ING5: variants seen among roughly 807,000 people sequenced by gnomAD.
The protein encoded by ING5 is inhibitor of growth protein 5.
ING5 carries 17 observed loss-of-function variants against 37.4 expected under a neutral mutation model. The ratio of observed to expected loss-of-function variants is 0.45; its 90% CI spans 0.31 to 0.68. The LOEUF (loss-of-function observed/expected upper bound fraction) is 0.68, where lower values mean the gene tolerates loss of function less well. Ranked by LOEUF, ING5 falls within the 30% of genes least tolerant of loss-of-function variation. The pLI is 0.05. For missense variants in ING5, 233 were observed against 311.9 expected (o/e 0.75, Z 1.91); for synonymous variants, 123 against 116.6 (o/e 1.06, Z -0.36).
chr2:241,690,465 G>C (rs1183528183), exon 2 of ING5: 1 of 394,780 alleles, frequency 2.5e-6, no homozygotes, highest in Non-Finnish European at 4.5e-6. Flanking sequence ...GTTCCTGCGT[G>C]ATCAAAGGAT....
chr2:241,695,628 G>A (rs1018764213), intron 2 of ING5, among the ~76,000 whole-genome samples: 3 of 152,146 alleles, frequency 2.0e-5, no homozygotes, highest in Admixed American at 6.6e-5. Flanking sequence ...GGAGGTTGCA[G>A]TGAGCTGAGA....
At chr2:241,697,782 C>CAT (rs1468120394), upstream of ING5, among the ~76,000 whole-genome samples, 20 of 152,174 alleles carry the variant, frequency 1.3e-4, no homozygotes, top group South Asian at 3.7e-3. Flanking sequence ...TTTGTCAAAA[C>CAT]CTATAAGAAT....
intron 1 of ING5, among the ~76,000 whole-genome samples, chr2:241,703,480 G>A (rs1466029244): frequency 6.6e-6 from 1 of 152,180 alleles, no homozygotes; most frequent in Non-Finnish European, 1.5e-5. Context: ...GTGGGGAATG[G>A]TTGCGCTAGC....
chr2:241,716,254 T>G (rs2070264005), intron 5 of ING5, among the ~76,000 whole-genome samples: 1 of 151,850 alleles, frequency 6.6e-6, no homozygotes, highest in African/African-American at 2.4e-5. Flanking sequence ...TTCCGTTTTT[T>G]TCCCCACTCT....
chr2:241,695,992 G>A (rs553986333), intron 2 of ING5, among the ~76,000 whole-genome samples: 11 of 152,266 alleles, frequency 7.2e-5, no homozygotes, highest in African/African-American at 1.4e-4. Context: ...CAGCATTTGC[G>A]GAGGCCAAGG....
chr2:241,719,077 C>T lies in ING5; in HGVS notation c.483-3862C>T, dbSNP rs577956032. Among the ~76,000 whole-genome samples, 5 of 152,344 alleles carry T rather than the reference C, an allele frequency of 3.3e-5. No homozygotes were observed. In the South Asian group the frequency reaches 6.2e-4, roughly 19 times the overall value. On this transcript the variant is annotated intron_variant, in intron 5 of 7. Coordinates refer to ENST00000313552, the MANE Select transcript of ING5 (RefSeq NM_032329.6). ...GGCAGGGTCTCAGCTTCAGCTCCACCGAGGCCCCTTGAGGACCTTGAGGTT... is the reference window on the plus strand; with the variant it reads ...GGCAGGGTCTCAGCTTCAGCTCCACTGAGGCCCCTTGAGGACCTTGAGGTT...
chr2:241,719,862 G>T, intron 5 of ING5: 3 of 1,397,244 alleles, frequency 2.1e-6, no homozygotes, highest in Non-Finnish European at 2.8e-6. Flanking sequence ...TGCCTGCCGT[G>T]CAGGTCCCAG....
chr2:241,696,485 A>G (rs1036169359), intron 2 of ING5, among the ~76,000 whole-genome samples: 1 of 152,126 alleles, frequency 6.6e-6, no homozygotes, highest in African/African-American at 2.4e-5. Context: ...GAACAACCCC[A>G]TGAAAAAATG....
intron 5 of ING5, chr2:241,719,478 C>A: frequency 1.5e-6 from 2 of 1,361,284 alleles, no homozygotes; most frequent in Non-Finnish European, 2.0e-6. Context: ...TGTTTTCTAA[C>A]TCAGTGGCAA....
intron 7 of ING5, chr2:241,724,756 T>A: frequency 2.0e-6 from 1 of 493,522 alleles, no homozygotes; most frequent in Non-Finnish European, 3.4e-6. Flanking sequence ...GTCAAATCGG[T>A]TTTGCTCATT....
At chr2:241,693,408 G>A (rs2069586340) in intron 2 of ING5, among the ~76,000 whole-genome samples, 1 of 152,018 alleles carries the variant, frequency 6.6e-6, no homozygotes, top group Non-Finnish European at 1.5e-5. Context: ...GGTACTCACT[G>A]CTCTGCTAAA....
rs544630138 is a variant in ING5 at position 241,723,810 on chromosome 2, C to T, written c.680+539C>T. On this transcript the variant is annotated intron_variant, in intron 7 of 7. Transcript: ENST00000313552. ...CCTCAGATTTCATTTAAATAAAAAC[C>T]TGTAGTCTGGGCAACATCGGGAGAC... 3.8e-6 allele frequency: 6 copies of T among 1,596,696 alleles called. No individual in the cohort carries two copies. The African/African-American group carries it at 5.3e-5, about 14-fold the overall frequency.
rs1361732652 is a variant in ING5, at chr2:241,729,064, T to C, written c.*4033T>C. ...CCTGTCCTAGGTTAGGTCTTCATGG[T>C]TTAGAGTAAAACCGTGAGGGATGTT... On this transcript the variant is annotated 3_prime_UTR_variant, in exon 8 of 8. Transcript: ENST00000313552. 1.3e-5 allele frequency: 2 copies of C among 152,316 alleles called. No homozygotes were observed. The highest frequency in any genetic ancestry group is 4.8e-5 in the African/African-American group (2 of 41,458). The allele number at this position is 152,316 out of a possible 1,614,324, so 9.4% of individuals were successfully genotyped here.
intron 5 of ING5, chr2:241,721,602 C>T: frequency 2.0e-6 from 2 of 985,386 alleles, no homozygotes; most frequent in Non-Finnish European, 2.4e-6. Context: ...CTTGGCTTTC[C>T]CTGATCGTGA....
At chr2:241,705,730 CAT>C (rs758087104) in intron 2 of ING5, among the ~76,000 whole-genome samples, 120 of 152,150 alleles carry the variant, frequency 7.9e-4, no homozygotes, top group Non-Finnish European at 3.1e-4. Flanking sequence ...TTCTAAACAA[CAT>C]GTTTTTGTTG....
chr2:241,720,774 A>G (rs1230435908), intron 5 of ING5: 105 of 985,412 alleles, frequency 1.1e-4, no homozygotes, highest in Non-Finnish European at 1.2e-4. Context: ...AGCCGCTGAC[A>G]GTTGGGGTCA....
intron 7 of ING5, chr2:241,723,701 T>A: frequency 6.6e-7 from 1 of 1,525,218 alleles, no homozygotes; most frequent in Admixed American, 1.7e-5. Flanking sequence ...GCTCTGCCCC[T>A]GGCTCTGTCT....
At chr2:241,712,101 A>C (rs1394024235) in intron 5 of ING5, 30 bp downstream of exon 5, 1 of 1,514,678 alleles carries the variant, frequency 6.6e-7, no homozygotes, top group African/African-American at 1.4e-5. Context: ...TTTTCCCAAA[A>C]GAACGAATAC....
chr2:241,719,847 A>C (rs993643277), intron 5 of ING5: 13 of 1,404,820 alleles, frequency 9.3e-6, no homozygotes, highest in African/African-American at 4.3e-5. Flanking sequence ...CTGGGAGCTC[A>C]GCGCTGCCTG....
Sources: gnomAD v4.1 joint callset for allele counts (sites outside exome capture counted in the v4.1 genomes callset) on GRCh38, gnomAD v4.1.1 for gene constraint, MANE v1.5 for transcripts, NCBI Gene and HGNC (gene_info 2026-07-23, HGNC 2026-07-21) for gene names.